The following STPG2 variants were observed in gnomAD, a reference collection of about 807,000 sequenced individuals.
STPG2 encodes the protein sperm tail PG-rich repeat containing 2, also known as sperm-tail PG-rich repeat-containing protein 2.
Under a neutral mutation model 54.2 loss-of-function variants are expected in STPG2, and 56 were observed. The ratio of observed to expected loss-of-function variants is 1.03; its 90% CI spans 0.83 to 1.29. STPG2 has a LOEUF of 1.29. Ranked by LOEUF, STPG2 falls within the 50% of genes most tolerant of loss-of-function variation. The pLI is 0.00. For missense variants in STPG2, 596 were observed against 544.9 expected (o/e 1.09, Z -0.93); for synonymous variants, 200 against 181.8 (o/e 1.10, Z -0.81).
intron 9 of STPG2, among the ~76,000 whole-genome samples, chr4:97,752,118 C>T (rs910778506): frequency 1.3e-5 from 2 of 151,790 alleles, no homozygotes; most frequent in African/African-American, 2.4e-5. Context: ...GCTGCATTTA[C>T]TTACATCCCT....
intron 10 of STPG2, among the ~76,000 whole-genome samples, chr4:97,656,715 G>C (rs114369379): frequency 2.2e-4 from 33 of 150,072 alleles, no homozygotes; most frequent in African/African-American, 7.8e-4. Context: ...GATGGACATC[G>C]AATACTAGTA....
downstream of STPG2, among the ~76,000 whole-genome samples, chr4:97,558,662 CT>C (rs1164052408): frequency 6.6e-6 from 1 of 152,146 alleles, no homozygotes; most frequent in Non-Finnish European, 1.5e-5. Context: ...AAGTGGCATC[CT>C]TTCCCCGCCA....
chr4:97,622,650 A>ATG (rs1734041855), intron 10 of STPG2, among the ~76,000 whole-genome samples: 1 of 152,160 alleles, frequency 6.6e-6, no homozygotes, highest in Non-Finnish European at 1.5e-5. Context: ...TTCCATGCTC[A>ATG]GATAGGAAGC....
chr4:97,639,279 G>C (rs911160717), intron 10 of STPG2, among the ~76,000 whole-genome samples: 1 of 151,630 alleles, frequency 6.6e-6, no homozygotes, highest in Admixed American at 6.6e-5. Context: ...TCACTCATAG[G>C]TGGGAATTGA....
chr4:98,054,724 A>G (rs1038783355), intron 5 of STPG2, among the ~76,000 whole-genome samples: 4 of 152,166 alleles, frequency 2.6e-5, no homozygotes, highest in African/African-American at 9.6e-5. Flanking sequence ...AGGCTTGTGT[A>G]TATTCTATTC....
At chr4:97,890,984 T>C (rs941574776) in intron 8 of STPG2, among the ~76,000 whole-genome samples, 1 of 151,858 alleles carries the variant, frequency 6.6e-6, no homozygotes, top group Non-Finnish European at 1.5e-5. Context: ...AAATTAAGAA[T>C]TAGTATTATA....
At position 98,090,021 on chromosome 4, in the gene STPG2, T is replaced by C. The variant is rs146842755; in HGVS notation, c.612+15932A>G. ...GGTTTTCTGTTTACTCTGCTGATTA[T>C]TTCTTTTGCTGTGCTGAAACTTTTT... is the stretch of plus-strand genomic sequence containing the variant. On this transcript the variant is annotated intron_variant, in intron 5 of 10. Coordinates refer to ENST00000295268, the MANE Select transcript of STPG2 (RefSeq NM_174952.3). 1.7e-3 allele frequency among the ~76,000 whole-genome samples: 260 copies of C among 152,322 alleles called. 2 individuals carry two copies. Among genetic ancestry groups the C allele is most frequent in the African/African-American group, 5.9e-3 (245 of 41,584 alleles).
chr4:98,080,155 T>C (rs1738299115), intron 5 of STPG2, among the ~76,000 whole-genome samples: 1 of 152,168 alleles, frequency 6.6e-6, no homozygotes, highest in African/African-American at 2.4e-5. Context: ...AAAGCACATT[T>C]CACATATAAA....
At chr4:97,848,392 TCAGATAAGATTC>T in intron 8 of STPG2, among the ~76,000 whole-genome samples, 1 of 152,146 alleles carries the variant, frequency 6.6e-6, no homozygotes, top group Non-Finnish European at 1.5e-5. Flanking sequence ...CAAAATTTCC[TCAGATAAGATTC>T]AATTTACCCT....
chr4:98,101,655 T>TA (rs1431580836), intron 5 of STPG2, among the ~76,000 whole-genome samples: 1 of 151,988 alleles, frequency 6.6e-6, no homozygotes, highest in Non-Finnish European at 1.5e-5. Flanking sequence ...TAAACAGAAC[T>TA]AAAAAAAATT....
chr4:98,072,821 T>C, intron 5 of STPG2, among the ~76,000 whole-genome samples: 1 of 152,080 alleles, frequency 6.6e-6, no homozygotes, highest in Non-Finnish European at 1.5e-5. Flanking sequence ...TGTGGAAGAG[T>C]AGCAAGCCAA....
intron 5 of STPG2, chr4:98,026,223 A>C (rs1736415519): frequency 1.8e-6 from 2 of 1,097,964 alleles, no homozygotes; most frequent in Admixed American, 3.5e-5. Context: ...GCTCAAAAGA[A>C]AGCAAGCCCC....
intron 10 of STPG2, among the ~76,000 whole-genome samples, chr4:97,603,756 T>G (rs373455408): frequency 4.0e-5 from 6 of 151,718 alleles, no homozygotes; most frequent in East Asian, 3.9e-4. Flanking sequence ...ACTGTATGAT[T>G]TCACTTATGT....
chr4:97,448,999 A>G (rs1000536202), intron 4 of STPG2, among the ~76,000 whole-genome samples: 3 of 152,212 alleles, frequency 2.0e-5, no homozygotes, highest in South Asian at 2.1e-4. Context: ...TAACTTACCA[A>G]TGCCATTTAT....
chr4:98,046,437 C>T (rs1208052150), intron 5 of STPG2, among the ~76,000 whole-genome samples: 1 of 152,144 alleles, frequency 6.6e-6, no homozygotes, highest in East Asian at 1.9e-4. Context: ...CTATAACTCT[C>T]CCAGTCTCGT....
intron 8 of STPG2, among the ~76,000 whole-genome samples, chr4:97,911,880 C>T (rs569710337): frequency 1.3e-5 from 2 of 152,050 alleles, no homozygotes; most frequent in South Asian, 2.1e-4. Flanking sequence ...CCGTTCTTCC[C>T]GACTGGGTGA....
At position 97,739,634 on chromosome 4, in the gene STPG2, G is replaced by A. The variant is rs187629921; in HGVS notation, c.1205-26820C>T. Reference sequence around the variant, plus strand: ...TCTTGAAGAAATGGATAAATTCCTCGACACATACACCCTCCCTAGAGTAAA... The same window carrying A: ...TCTTGAAGAAATGGATAAATTCCTCAACACATACACCCTCCCTAGAGTAAA... On this transcript the variant is annotated intron_variant, in intron 9 of 10. Transcript: ENST00000295268. 4.3e-4 allele frequency among the ~76,000 whole-genome samples: 66 copies of A among 152,194 alleles called. No homozygotes were observed. The East Asian group carries it at 0.011, about 25-fold the overall frequency.
At chr4:97,980,865 T>A (rs1416557708) in intron 6 of STPG2, among the ~76,000 whole-genome samples, 1 of 152,162 alleles carries the variant, frequency 6.6e-6, no homozygotes, top group South Asian at 2.1e-4. Context: ...ATAGTTGATA[T>A]ATTATGTTGT....
chr4:97,562,872 A>G (rs1732298168), intron 10 of STPG2, among the ~76,000 whole-genome samples: 1 of 152,104 alleles, frequency 6.6e-6, no homozygotes, highest in Non-Finnish European at 1.5e-5. Flanking sequence ...TTTTGCATCA[A>G]TGTTCATCAA....
Sources: allele counts gnomAD v4.1 joint callset (sites outside exome capture counted in the v4.1 genomes callset), GRCh38; gene constraint gnomAD v4.1.1; transcripts MANE v1.5; gene names NCBI Gene and HGNC (gene_info 2026-07-23, HGNC 2026-07-21).